Variants in MDH1 observed in about 807,000 individuals in gnomAD.
MDH1 encodes the protein malate dehydrogenase, cytoplasmic.
Under a neutral mutation model 38.7 loss-of-function variants are expected in MDH1, and 15 were observed. The observed-to-expected ratio is 0.39, with a 90% CI of 0.26 to 0.60. The LOEUF is 0.60. Ranked by LOEUF, MDH1 falls within the 20% of genes least tolerant of loss-of-function variation. MDH1 has a pLI of 0.56. For synonymous variants in MDH1, 144 were observed against 143.6 expected, an observed-to-expected ratio of 1.00 and a Z score of -0.02; for missense variants, 368 against 405.2, an observed-to-expected ratio of 0.91 and a Z score of 0.79.
intron 7 of MDH1, among the ~76,000 whole-genome samples, chr2:63,605,657 A>C (rs1326349796): frequency 6.6e-6 from 1 of 152,224 alleles, no homozygotes. Flanking sequence ...AATGCCTGAT[A>C]CATAGTAGGG....
chr2:63,602,934 C>CTTTTTTTTTTTTTTTTTTTTTTTTTT (rs370479356), intron 5 of MDH1, among the ~76,000 whole-genome samples: 2 of 131,536 alleles, frequency 1.5e-5, no homozygotes, highest in African/African-American at 2.7e-5. Context: ...TTTAACCGTT[C>CTTTTTTTTTTTTTTTTTTTTTTTTTT]TTTTTTTTTT....
Position 63,597,435 on chromosome 2 carries a change from A to G in MDH1, c.236A>G (p.Lys79Arg), listed in dbSNP as rs773738828. Residue 79 changes from lysine (K) to arginine (R), a missense_variant, in exon 4 of 9, where the codon AAA becomes AGA. Coordinates refer to ENST00000233114, the MANE Select transcript of MDH1 (RefSeq NM_005917.4). ...IATDKEDVAF[K>R]DLDVAILVGS... is the part of the protein sequence containing the mutation. Reference sequence around the variant, plus strand: ...ACAGATAAAGAAGACGTTGCCTTCAAAGACCTGGATGTGGCCATTCTTGTG... The same window carrying G: ...ACAGATAAAGAAGACGTTGCCTTCAGAGACCTGGATGTGGCCATTCTTGTG... The G allele has an allele frequency of 6.9e-7, 1 of 1,459,630 alleles. No homozygotes were observed. Among genetic ancestry groups the G allele is most frequent in the Non-Finnish European group, 9.1e-7 (1 of 1,095,022 alleles). The allele number at this position is 1,459,630 out of a possible 1,614,324, so 90.4% of individuals were successfully genotyped here. A position where few individuals can be genotyped will look rare whatever the true frequency, so the allele number is the denominator to read the frequency against.
At chr2:63,604,900 C>T (rs1407108749) in intron 6 of MDH1, 28 bp downstream of exon 6, 1 of 1,610,566 alleles carries the variant, frequency 6.2e-7, no homozygotes, top group African/African-American at 1.3e-5. Context: ...GCCTTCTTAA[C>T]ACTGAGCGTA....
chr2:63,593,606 C>A (rs1269370796), intron 1 of MDH1: 1 of 471,552 alleles, frequency 2.1e-6, no homozygotes, highest in Admixed American at 2.3e-5. Context: ...TTAGTCACAT[C>A]AGTGGACCAT....
Position 63,604,752 on chromosome 2 carries a change from A to T in MDH1, c.555A>T (p.Gly185=). The T allele has an allele frequency of 6.2e-7, 1 of 1,614,202 alleles. No homozygotes were observed. Among genetic ancestry groups the T allele is most frequent in the African/African-American group, 1.3e-5 (1 of 75,070 alleles). The change falls in exon 6 of 9, where the codon GGA becomes GGT. Residue 185 remains glycine, a synonymous_variant. Transcript: ENST00000233114. ...ANDVKNVIIW[G]NHSSTQYPDV... Reference sequence around the variant, plus strand: ...ATGTAAAGAATGTCATTATCTGGGGAAACCATTCCTCGACTCAGTATCCAG... The same window carrying T: ...ATGTAAAGAATGTCATTATCTGGGGTAACCATTCCTCGACTCAGTATCCAG...
intron 5 of MDH1, among the ~76,000 whole-genome samples, chr2:63,601,510 A>T (rs1709417751): frequency 6.6e-6 from 1 of 152,240 alleles, no homozygotes; most frequent in African/African-American, 2.4e-5. Flanking sequence ...CTTTTAACAG[A>T]CCTATGTGAC....
At chr2:63,601,060 C>G (rs1454826263) in intron 5 of MDH1, among the ~76,000 whole-genome samples, 1 of 152,200 alleles carries the variant, frequency 6.6e-6, no homozygotes, top group Non-Finnish European at 1.5e-5. Flanking sequence ...GGGCTCAAGT[C>G]TGAATGAGCA....
intron 1 of MDH1, chr2:63,590,043 T>C (rs1210984898): frequency 1.3e-5 from 2 of 153,278 alleles, no homozygotes; most frequent in South Asian, 4.1e-4. Context: ...TTACTCTCTC[T>C]GCCTGTCTAA....
At chr2:63,598,510 A>G (rs1387995612) in intron 4 of MDH1, among the ~76,000 whole-genome samples, 6 of 152,222 alleles carry the variant, frequency 3.9e-5, no homozygotes, top group Non-Finnish European at 7.3e-5. Context: ...TAAAGGTTTA[A>G]CTGATTTCCA....
At chr2:63,597,716 T>G (rs1039942860) in intron 4 of MDH1, 142 bp downstream of exon 4, 20 of 655,182 alleles carry the variant, frequency 3.1e-5, no homozygotes, top group Non-Finnish European at 3.3e-5. Context: ...GAGTTTTGCT[T>G]GATAAGCTCT....
Position 63,604,674 on chromosome 2 carries a change from TATTTGTTTTCAATTTAACTAG to T in MDH1, c.499-18_501del. On this transcript the variant is annotated splice_acceptor_variant and splice_polypyrimidine_tract_variant and intron_variant, in intron 5 of 8. Transcript: ENST00000233114. LOFTEE classifies it high-confidence loss of function. ...ATAAAAACCATTTGTCTCAGTAATG[TATTTGTTTTCAATTTAACTAG>T]ATTGCTCTTAAACTTGGTGTGACTG... is the stretch of plus-strand genomic sequence containing the variant. 1 of 1,592,544 alleles carries T rather than the reference TATTTGTTTTCAATTTAACTAG, an allele frequency of 6.3e-7. No individual in the cohort carries two copies. The highest frequency in any genetic ancestry group is 8.6e-7 in the Non-Finnish European group (1 of 1,163,360).
intron 1 of MDH1, chr2:63,590,753 C>G (rs1709182183): frequency 6.6e-6 from 1 of 152,174 alleles, no homozygotes; most frequent in Non-Finnish European, 1.5e-5. Flanking sequence ...CCAGATAACA[C>G]AGAGACAGAA....
rs1446264051 is a variant in MDH1 at position 63,595,363 on chromosome 2, C to G, written c.103-60C>G. ...ACCAAATAAAAACTATGTGAAAAGA[C>G]TTTCTTGTGTCTAAATGAAATAGCC... On this transcript the variant is annotated intron_variant, in intron 2 of 8. Transcript: ENST00000233114. The G allele has an allele frequency of 5.7e-6, 6 of 1,049,716 alleles. No homozygotes were observed. In the East Asian group the frequency reaches 1.2e-4, roughly 21 times the overall value. The allele number at this position is 1,049,716 out of a possible 1,614,324, so 65.0% of individuals were successfully genotyped here.
intron 3 of MDH1, among the ~76,000 whole-genome samples, chr2:63,596,458 CA>C (rs1709313378): frequency 6.6e-6 from 1 of 152,184 alleles, no homozygotes. Context: ...TGCTTTTTCC[CA>C]TTTGTATTCC....
Position 63,606,875 on chromosome 2 carries a change from A to T in MDH1, c.893A>T (p.Lys298Met). The change falls in exon 9 of 9, where the codon AAG becomes ATG. Residue 298 changes from lysine (K) to methionine (M), a missense_variant. Physicochemically the swap from Lys to Met is moderately conservative, Grantham distance 95. Transcript: ENST00000233114. Reference protein sequence around the residue: ...FPVVIKNKTWKFVEGLPINDF... With the variant: ...FPVVIKNKTWMFVEGLPINDF... ...ATTTTCAAACAGAATAAGACCTGGA[A>T]GTTTGTTGAAGGTCTCCCTATTAAT... 1 of 1,611,022 alleles carries T rather than the reference A, an allele frequency of 6.2e-7. No homozygotes were observed. The highest frequency in any genetic ancestry group is 8.5e-7 in the Non-Finnish European group (1 of 1,178,244).
intron 1 of MDH1, chr2:63,593,565 TTAAG>T (rs1313318591): frequency 4.2e-6 from 2 of 471,320 alleles, no homozygotes; most frequent in Non-Finnish European, 8.8e-6. Context: ...AGAAGGAACT[TTAAG>T]TAAAAAGAAA....
chr2:63,596,196 C>T (rs1054339092), intron 3 of MDH1, among the ~76,000 whole-genome samples: 10 of 152,266 alleles, frequency 6.6e-5, no homozygotes, highest in Admixed American at 2.0e-4. Context: ...GCTATTTCTT[C>T]ATCATAGTCT....
At chr2:63,589,357 C>G in intron 1 of MDH1, 1 of 1,550,620 alleles carries the variant, frequency 6.4e-7, no homozygotes, top group Non-Finnish European at 8.7e-7. Context: ...TTCCAAAGGA[C>G]GTTACGGTGT....
rs369304055 is a variant in MDH1 at position 63,597,377 on chromosome 2, G to A, written c.200-22G>A. The A allele has an allele frequency of 3.9e-5, 53 of 1,344,594 alleles. No homozygotes were observed. The East Asian group carries it at 9.7e-4, about 25-fold the overall frequency. The allele number at this position is 1,344,594 out of a possible 1,614,324, so 83.3% of individuals were successfully genotyped here. A position where few individuals can be genotyped will look rare whatever the true frequency, so the allele number is the denominator to read the frequency against. On this transcript the variant is annotated intron_variant, in intron 3 of 8. Transcript: ENST00000233114. ...AACTTTGATGTTTAAGTAGCTCTGC[G>A]TATTTATTGCCATGTCCACAGATGT...
Sources: gnomAD v4.1 joint callset for allele counts (sites outside exome capture counted in the v4.1 genomes callset) on GRCh38, gnomAD v4.1.1 for gene constraint, MANE v1.5 for transcripts, NCBI Gene and HGNC (gene_info 2026-07-23, HGNC 2026-07-21) for gene names.